Variants in CALN1 observed in about 807,000 individuals in gnomAD.
The protein encoded by CALN1 is calneuron 1.
Under a neutral mutation model 30.6 loss-of-function variants are expected in CALN1, and 17 were observed. That is an observed-to-expected ratio of 0.56 (90% confidence interval 0.38 to 0.83). CALN1 has a LOEUF of 0.83. CALN1 is among the 40% of genes least tolerant of loss of function. The pLI, the probability that CALN1 is intolerant of heterozygous loss-of-function variation, is 0.00. For synonymous variants in CALN1, 156 were observed against 131.4 expected, an observed-to-expected ratio of 1.19 and a Z score of -1.28; for missense variants, 291 against 354.9, an observed-to-expected ratio of 0.82 and a Z score of 1.45.
chr7:72,076,539 A>G (rs1233996005), intron 4 of CALN1, among the ~76,000 whole-genome samples: 1 of 137,854 alleles, frequency 7.3e-6, no homozygotes. Context: ...CGGAGGTTAC[A>G]GTCAGCCGAG....
chr7:72,066,547 G>T (rs1398352081), intron 4 of CALN1, among the ~76,000 whole-genome samples: 1 of 150,448 alleles, frequency 6.6e-6, no homozygotes, highest in Non-Finnish European at 1.5e-5. Context: ...GTCCCTTTCT[G>T]CTTACTGCTT....
At chr7:72,009,675 T>C (rs1162678667) in intron 5 of CALN1, among the ~76,000 whole-genome samples, 1 of 152,224 alleles carries the variant, frequency 6.6e-6, no homozygotes, top group Non-Finnish European at 1.5e-5. Flanking sequence ...CATTGAATCA[T>C]AGGGGTGGTT....
intron 2 of CALN1, among the ~76,000 whole-genome samples, chr7:72,373,219 AAGG>A (rs1309949984): frequency 6.6e-6 from 1 of 152,222 alleles, no homozygotes; most frequent in Non-Finnish European, 1.5e-5. Context: ...ACAGGAAAAA[AAGG>A]AAGTTTGGGA....
intron 5 of CALN1, among the ~76,000 whole-genome samples, chr7:71,856,747 G>A (rs1003857968): frequency 6.6e-6 from 1 of 152,120 alleles, no homozygotes; most frequent in Non-Finnish European, 1.5e-5. Context: ...TTGAGGTCAG[G>A]AGTTCAAGAC....
intron 2 of CALN1, among the ~76,000 whole-genome samples, chr7:72,361,196 C>G (rs1253372765): frequency 6.6e-6 from 1 of 152,078 alleles, no homozygotes; most frequent in African/African-American, 2.4e-5. Flanking sequence ...CCAAATATCC[C>G]CAACTCTCCA....
At chr7:71,831,161 A>T (rs1207960215) in intron 5 of CALN1, among the ~76,000 whole-genome samples, 1 of 152,088 alleles carries the variant, frequency 6.6e-6, no homozygotes, top group Non-Finnish European at 1.5e-5. Context: ...CTGTTTCCTC[A>T]TACATTTAAT....
At chr7:72,249,231 C>G (rs555555976) in intron 3 of CALN1, among the ~76,000 whole-genome samples, 6 of 152,280 alleles carry the variant, frequency 3.9e-5, no homozygotes, top group Middle Eastern at 3.4e-3. Context: ...CAGACAGATT[C>G]ACCAGACCCT....
chr7:72,336,971 G>A (rs533502785), intron 2 of CALN1: 5 of 985,194 alleles, frequency 5.1e-6, no homozygotes, highest in African/African-American at 3.5e-5. Context: ...AGCGCGATCT[G>A]GGCGCGTGCC....
intron 3 of CALN1, among the ~76,000 whole-genome samples, chr7:72,266,493 T>C (rs1796605940): frequency 6.6e-6 from 1 of 152,218 alleles, no homozygotes; most frequent in Non-Finnish European, 1.5e-5. Flanking sequence ...TTGCAGCTAA[T>C]GTCATGCACA....
At chr7:71,881,042 C>G (rs1299594837) in intron 5 of CALN1, among the ~76,000 whole-genome samples, 1 of 152,200 alleles carries the variant, frequency 6.6e-6, no homozygotes, top group Non-Finnish European at 1.5e-5. Flanking sequence ...CAGAATAAAG[C>G]AGGCAGAAGG....
chr7:72,127,186 G>A (rs1808829400), intron 3 of CALN1, among the ~76,000 whole-genome samples: 1 of 151,898 alleles, frequency 6.6e-6, no homozygotes, highest in South Asian at 2.1e-4. Flanking sequence ...TTGAGGTAAG[G>A]GTGGTAGCCA....
chr7:72,244,279 T>C (rs898494413), intron 3 of CALN1, among the ~76,000 whole-genome samples: 4 of 152,174 alleles, frequency 2.6e-5, no homozygotes, highest in African/African-American at 4.8e-5. Context: ...GATAAAACGA[T>C]AGGGTAAAGA....
chr7:72,060,596 C>T (rs557162537), intron 4 of CALN1, among the ~76,000 whole-genome samples: 4 of 152,254 alleles, frequency 2.6e-5, no homozygotes, highest in African/African-American at 9.6e-5. Flanking sequence ...GGATATTTGT[C>T]CCCTTCAAAT....
At position 72,361,421 on chromosome 7, in the gene CALN1, G is replaced by A. The variant is rs367904513; in HGVS notation, c.119+41830C>T. On this transcript the variant is annotated intron_variant, in intron 2 of 6. Transcript: ENST00000395275. ...CTCAGGAGGCTGAGGCAGGAGCATCGCTTGAACCCAGGAGTTTGAGGCTAC... is the reference window on the plus strand; with the variant it reads ...CTCAGGAGGCTGAGGCAGGAGCATCACTTGAACCCAGGAGTTTGAGGCTAC... Among the ~76,000 whole-genome samples, 19 of 152,230 alleles carry A rather than the reference G, an allele frequency of 1.2e-4. No homozygotes were observed. In the East Asian group the frequency reaches 3.3e-3, roughly 26 times the overall value.
chr7:72,003,076 G>C (rs957751406), intron 5 of CALN1, among the ~76,000 whole-genome samples: 1 of 152,134 alleles, frequency 6.6e-6, no homozygotes, highest in African/African-American at 2.4e-5. Context: ...TAATTGATAT[G>C]TTAATTAGCT....
chr7:72,310,624 C>A (rs1799973339), intron 2 of CALN1, among the ~76,000 whole-genome samples: 1 of 151,862 alleles, frequency 6.6e-6, no homozygotes, highest in South Asian at 2.1e-4. Flanking sequence ...TAAGAGCAGG[C>A]CAGGCATGGT....
At chr7:72,067,566 A>G (rs1293362095) in intron 4 of CALN1, among the ~76,000 whole-genome samples, 4 of 152,132 alleles carry the variant, frequency 2.6e-5, no homozygotes, top group East Asian at 1.9e-4. Context: ...TAATTTTTCT[A>G]TGACTCTCTC....
chr7:72,372,485 G>A (rs1451841889), intron 2 of CALN1, among the ~76,000 whole-genome samples: 1 of 152,126 alleles, frequency 6.6e-6, no homozygotes, highest in East Asian at 1.9e-4. Context: ...ATAAGATCAT[G>A]GATAGGGAAA....
At chr7:72,061,671 GAGGCATAAA>G (rs966480807) in intron 4 of CALN1, among the ~76,000 whole-genome samples, 2 of 151,558 alleles carry the variant, frequency 1.3e-5, no homozygotes, top group African/African-American at 4.8e-5. Context: ...CCTACTATCA[GAGGCATAAA>G]AGGAGATGAG....
Sources: allele counts gnomAD v4.1 joint callset (sites outside exome capture counted in the v4.1 genomes callset), GRCh38; gene constraint gnomAD v4.1.1; transcripts MANE v1.5; gene names NCBI Gene and HGNC (gene_info 2026-07-23, HGNC 2026-07-21).